The following RALGPS1 variants were observed in gnomAD, a reference collection of about 807,000 sequenced individuals.
The protein encoded by RALGPS1 is ras-specific guanine nucleotide-releasing factor RalGPS1.
RALGPS1 carries 19 observed loss-of-function variants against 78.8 expected under a neutral mutation model. That is an observed-to-expected ratio of 0.24 (90% CI 0.17 to 0.35). The LOEUF (loss-of-function observed/expected upper bound fraction) is 0.35. RALGPS1 is among the 10% of genes least tolerant of loss of function. The pLI is 1.00. For synonymous variants in RALGPS1, 228 were observed against 256.3 expected (o/e 0.89, Z 1.06); for missense variants, 454 against 688.3 (o/e 0.66, Z 3.81).
At chr9:126,959,593 C>CT (rs11296664) in intron 1 of RALGPS1, among the ~76,000 whole-genome samples, 136 of 144,178 alleles carry the variant, frequency 9.4e-4, no homozygotes, top group African/African-American at 2.3e-3. Flanking sequence ...CTGACCAGTT[C>CT]TTTTTTTTTT....
chr9:127,006,220 T>C (rs13294844), intron 4 of RALGPS1, among the ~76,000 whole-genome samples: 1 of 152,136 alleles, frequency 6.6e-6, no homozygotes, highest in Non-Finnish European at 1.5e-5. Flanking sequence ...CAGCAAAACA[T>C]GAAAACAGAG....
At chr9:127,004,094 C>T (rs2043607524) in intron 4 of RALGPS1, among the ~76,000 whole-genome samples, 1 of 152,256 alleles carries the variant, frequency 6.6e-6, no homozygotes, top group East Asian at 1.9e-4. Flanking sequence ...TAGACAGAGT[C>T]AAAGTCTCTT....
intron 6 of RALGPS1, 152 bp downstream of exon 6, chr9:127,050,284 C>T: frequency 1.4e-6 from 1 of 693,638 alleles, no homozygotes; most frequent in East Asian, 2.7e-5. Context: ...CTTCCCTAGG[C>T]AGAGCCAGCT....
At chr9:127,088,258 G>A (rs2052011252) in intron 8 of RALGPS1, 1 of 152,188 alleles carries the variant, frequency 6.6e-6, no homozygotes, top group African/African-American at 2.4e-5. Context: ...TGTGGGGGGA[G>A]GGATTTTGAA....
rs148162629 is a variant in RALGPS1, at chr9:126,985,612, C to T, written c.216+7867C>T. Among the ~76,000 whole-genome samples the T allele has an allele frequency of 7.3e-3, 1,110 of 152,132 alleles. 10 individuals carry two copies. The highest frequency in any genetic ancestry group is 0.049 in the South Asian group (236 of 4,818). ...GTAAAATAATTTAAAAATAATAATA[C>T]GAATATTACTACTAAGCAGTAGACT... On this transcript the variant is annotated intron_variant, in intron 4 of 18. Coordinates refer to ENST00000259351, the MANE Select transcript of RALGPS1 (RefSeq NM_014636.3).
At chr9:126,944,522 A>C (rs1450095706) in intron 1 of RALGPS1, among the ~76,000 whole-genome samples, 2 of 141,328 alleles carry the variant, frequency 1.4e-5, no homozygotes, top group Non-Finnish European at 3.1e-5. Flanking sequence ...TTTTCACAGG[A>C]AATGTTGAGA....
intron 8 of RALGPS1, among the ~76,000 whole-genome samples, chr9:127,157,940 A>G (rs1275438829): frequency 6.6e-6 from 1 of 152,126 alleles, no homozygotes; most frequent in Non-Finnish European, 1.5e-5. Flanking sequence ...TTAATTTTCT[A>G]ATATGTATCC....
intron 13 of RALGPS1, among the ~76,000 whole-genome samples, chr9:127,198,061 T>C (rs2061435046): frequency 6.6e-6 from 1 of 152,040 alleles, no homozygotes; most frequent in Non-Finnish European, 1.5e-5. Flanking sequence ...GAAAACGGAG[T>C]CAGATGCAGA....
At chr9:127,032,691 A>T (rs2046529374) in intron 4 of RALGPS1, among the ~76,000 whole-genome samples, 1 of 152,220 alleles carries the variant, frequency 6.6e-6, no homozygotes, top group Non-Finnish European at 1.5e-5. Context: ...TCAAACATAC[A>T]TTTGAAACCG....
rs924329907 is a variant in RALGPS1 at position 127,091,525 on chromosome 9, G to C, written c.610+22169G>C. 1.5e-5 allele frequency: 17 copies of C among 1,118,280 alleles called. No individual in the cohort carries two copies. Among genetic ancestry groups the C allele is most frequent in the Non-Finnish European group, 2.0e-5 (16 of 785,704 alleles). The allele number at this position is 1,118,280 out of a possible 1,614,324, so 69.3% of individuals were successfully genotyped here. ...CTGTGGGCAGGAGAAGGGACCCTCA[G>C]GGGGTGGTAACAGGGTCAGGCAGCT... On this transcript the variant is annotated intron_variant, in intron 8 of 18. Transcript: ENST00000259351. This position sits in a 1 kb window ranked among gnomAD's most constrained non-coding sequence, Gnocchi z 4.3.
chr9:127,157,681 A>T (rs2058780584), intron 8 of RALGPS1, among the ~76,000 whole-genome samples: 1 of 152,030 alleles, frequency 6.6e-6, no homozygotes, highest in Non-Finnish European at 1.5e-5. Context: ...TGATTTATGT[A>T]TATTTATTTT....
chr9:127,188,997 CAAAAAAAAAAAAAAAAAAAA>C (rs543909572), intron 11 of RALGPS1, among the ~76,000 whole-genome samples: 4 of 56,826 alleles, frequency 7.0e-5, no homozygotes, highest in African/African-American at 2.9e-4. Context: ...AAGACTGTCT[CAAAAAAAAAAAAAAAAAAAA>C]AAAAAAAAAA....
intron 8 of RALGPS1, among the ~76,000 whole-genome samples, chr9:127,162,650 G>A: frequency 6.6e-6 from 1 of 152,164 alleles, no homozygotes; most frequent in South Asian, 2.1e-4. Flanking sequence ...CCTGGGTCTT[G>A]AGGAGTAGGC....
Position 127,183,568 on chromosome 9 carries a change from A to G in RALGPS1, c.910+8786A>G, listed in dbSNP as rs3780327. On this transcript the variant is annotated intron_variant, in intron 11 of 18. Coordinates refer to ENST00000259351, the MANE Select transcript of RALGPS1 (RefSeq NM_014636.3). This position sits in a 1 kb window ranked among gnomAD's most constrained non-coding sequence, Gnocchi z 4.0. ...TCTTCTGGCACAGCCGTTTGGCCTC[A>G]TCAGGCCTGAGTAAGGCACAGTAGC... Among the ~76,000 whole-genome samples the G allele has an allele frequency of 0.79, 120,793 of 152,060 alleles. 48,129 individuals carry two copies. The highest frequency in any genetic ancestry group is 0.86 in the East Asian group (4,381 of 5,120).
chr9:126,949,640 G>C (rs2037617716), intron 1 of RALGPS1, among the ~76,000 whole-genome samples: 1 of 147,108 alleles, frequency 6.8e-6, no homozygotes, highest in Non-Finnish European at 1.5e-5. Flanking sequence ...CATATCCTTT[G>C]CCCACTTTTT....
intron 1 of RALGPS1, among the ~76,000 whole-genome samples, chr9:126,918,964 C>T (rs551949510): frequency 3.9e-5 from 6 of 152,152 alleles, no homozygotes; most frequent in Middle Eastern, 3.4e-3. Flanking sequence ...GCCACCGCAC[C>T]GGGCCCACAC....
intron 8 of RALGPS1, among the ~76,000 whole-genome samples, chr9:127,103,747 G>C (rs533574033): frequency 6.6e-6 from 1 of 152,252 alleles, no homozygotes; most frequent in East Asian, 1.9e-4. Context: ...TCATTTTAAG[G>C]AACTGTTTGG....
At chr9:127,141,270 A>T (rs946073089) in intron 8 of RALGPS1, among the ~76,000 whole-genome samples, 2 of 151,984 alleles carry the variant, frequency 1.3e-5, no homozygotes, top group African/African-American at 4.8e-5. Context: ...TAAGGTGTAA[A>T]CTCTGACTGA....
At chr9:126,936,572 T>C (rs2036279480) in intron 1 of RALGPS1, among the ~76,000 whole-genome samples, 1 of 152,154 alleles carries the variant, frequency 6.6e-6, no homozygotes, top group Non-Finnish European at 1.5e-5. Flanking sequence ...AGGCTGTCTT[T>C]GGGCTTCCCC....
Sources: allele counts gnomAD v4.1 joint callset (sites outside exome capture counted in the v4.1 genomes callset), GRCh38; gene constraint gnomAD v4.1.1; non-coding constraint Gnocchi (gnomAD v3.1); transcripts MANE v1.5; gene names NCBI Gene and HGNC (gene_info 2026-07-23, HGNC 2026-07-21).